The following BEND5 variants were observed in gnomAD, a reference collection of about 807,000 sequenced individuals.
BEND5 encodes BEN domain containing 5, also known as BEN domain-containing protein 5.
BEND5 carries 22 observed loss-of-function variants against 43.9 expected under a neutral mutation model. That is an observed-to-expected ratio of 0.50 (90% confidence interval 0.36 to 0.72). BEND5 has a LOEUF of 0.72. BEND5 is among the 30% of genes least tolerant of loss of function. The pLI is 0.00. For missense variants in BEND5, 428 were observed against 550.6 expected (o/e 0.78, Z 2.23); for synonymous variants, 228 against 225.9 (o/e 1.01, Z -0.08).
At chr1:48,742,536 C>T (rs541803145) in intron 4 of BEND5, 87 bp downstream of exon 4, 7 of 1,297,060 alleles carry the variant, frequency 5.4e-6, no homozygotes, top group Admixed American at 3.0e-5. Flanking sequence ...AGTCAAGCTG[C>T]GATTTGGAAA....
At position 48,765,977 on chromosome 1, in the gene BEND5, C is replaced by T. The variant is rs543128406; in HGVS notation, c.227-4507G>A. Among the ~76,000 whole-genome samples the T allele has an allele frequency of 3.9e-5, 6 of 152,234 alleles. 1 individual carries two copies. The East Asian group carries it at 7.7e-4, about 20-fold the overall frequency. On this transcript the variant is annotated intron_variant, in intron 1 of 5. Transcript: ENST00000371833. Reference sequence around the variant, plus strand: ...TTATTTTCTTTTTGGGTGATAAAAACGTTCCGGAATTAAGTAGTAGTGATG... The same window carrying T: ...TTATTTTCTTTTTGGGTGATAAAAATGTTCCGGAATTAAGTAGTAGTGATG...
At chr1:48,752,775 G>A (rs1252615747) in intron 3 of BEND5, among the ~76,000 whole-genome samples, 1 of 151,618 alleles carries the variant, frequency 6.6e-6, no homozygotes, top group Non-Finnish European at 1.5e-5. Context: ...TTTTTGGACA[G>A]AGTCTCGCTC....
intron 1 of BEND5, among the ~76,000 whole-genome samples, chr1:48,767,048 T>A (rs1644565848): frequency 6.6e-6 from 1 of 152,144 alleles, no homozygotes; most frequent in Non-Finnish European, 1.5e-5. Context: ...ATACCTCACA[T>A]CCATAGAAGA....
chr1:48,764,688 G>A (rs1241508733), intron 1 of BEND5, among the ~76,000 whole-genome samples: 2 of 152,184 alleles, frequency 1.3e-5, no homozygotes, highest in Non-Finnish European at 2.9e-5. Context: ...CAGTTCTGTC[G>A]CTTTGTAGGT....
Position 48,736,476 on chromosome 1 carries a change from A to G in BEND5, c.895-24T>C, listed in dbSNP as rs1197060909. On this transcript the variant is annotated intron_variant, in intron 4 of 5. Transcript: ENST00000371833. This position sits in a 1 kb window ranked among gnomAD's most constrained non-coding sequence, Gnocchi z 4.0. ...ACCTGAGAGGAATAAGAACACCAGCACCTGTTTAGTCCGACAGGAGGGCAG... is the reference window on the plus strand; with the variant it reads ...ACCTGAGAGGAATAAGAACACCAGCGCCTGTTTAGTCCGACAGGAGGGCAG... 3.7e-6 allele frequency: 6 copies of G among 1,606,876 alleles called. No individual in the cohort carries two copies. In the Admixed American group the frequency reaches 6.7e-5, roughly 18 times the overall value.
intron 4 of BEND5, among the ~76,000 whole-genome samples, chr1:48,739,046 C>A (rs11205533): frequency 0.34 from 51,208 of 151,992 alleles, 9,862 homozygotes; most frequent in East Asian, 0.73. Flanking sequence ...GCTGCCACCA[C>A]GGTGGTACTG....
At chr1:48,733,416 T>C (rs1648475437) in intron 5 of BEND5, among the ~76,000 whole-genome samples, 2 of 152,180 alleles carry the variant, frequency 1.3e-5, no homozygotes, top group Admixed American at 1.3e-4. Flanking sequence ...GCCTCAAAAC[T>C]GTGGAAATTC....
At chr1:48,747,160 C>T (rs77731599) in intron 3 of BEND5, among the ~76,000 whole-genome samples, 1 of 152,150 alleles carries the variant, frequency 6.6e-6, no homozygotes, top group Non-Finnish European at 1.5e-5. Context: ...TAAGCACTTG[C>T]GTTAAGAGAC....
intron 1 of BEND5, among the ~76,000 whole-genome samples, chr1:48,773,283 A>C (rs1644924996): frequency 6.6e-6 from 1 of 152,160 alleles, no homozygotes; most frequent in Non-Finnish European, 1.5e-5. Flanking sequence ...TATGAGCCCC[A>C]GTAGCAGGCT....
intron 3 of BEND5, among the ~76,000 whole-genome samples, chr1:48,743,200 G>C (rs962083460): frequency 6.6e-6 from 1 of 152,180 alleles, no homozygotes; most frequent in Non-Finnish European, 1.5e-5. Flanking sequence ...AGGGAGCTTA[G>C]GAAAGTGTGG....
intron 3 of BEND5, among the ~76,000 whole-genome samples, chr1:48,755,688 C>A (rs1280710468): frequency 6.6e-6 from 1 of 152,128 alleles, no homozygotes; most frequent in Non-Finnish European, 1.5e-5. Context: ...AAGGGGATAT[C>A]TTACCAGACT....
chr1:48,762,502 A>C (rs1485142698), intron 1 of BEND5, among the ~76,000 whole-genome samples: 2 of 152,144 alleles, frequency 1.3e-5, no homozygotes, highest in African/African-American at 4.8e-5. Flanking sequence ...GCTGTTTCTC[A>C]TAGTCCTCAA....
At chr1:48,764,672 C>T (rs1644445011) in intron 1 of BEND5, among the ~76,000 whole-genome samples, 1 of 152,178 alleles carries the variant, frequency 6.6e-6, no homozygotes, top group South Asian at 2.1e-4. Context: ...ACCTGGATTC[C>T]AAGTCCAGTT....
At chr1:48,738,128 T>C (rs935141421) in intron 4 of BEND5, among the ~76,000 whole-genome samples, 1 of 152,190 alleles carries the variant, frequency 6.6e-6, no homozygotes, top group Non-Finnish European at 1.5e-5. Flanking sequence ...ATACACATAG[T>C]TAGGCAGTCA....
chr1:48,730,368 G>C (rs934161335), intron 5 of BEND5, among the ~76,000 whole-genome samples: 3 of 152,138 alleles, frequency 2.0e-5, no homozygotes, highest in Non-Finnish European at 4.4e-5. Flanking sequence ...CAACCTCTAG[G>C]GGGGACTTCT....
chr1:48,776,580 C>T (rs1341336005), intron 1 of BEND5, 26 bp downstream of exon 1: 17 of 1,382,614 alleles, frequency 1.2e-5, no homozygotes, highest in Non-Finnish European at 1.5e-5. Context: ...CCGGGTCCCA[C>T]CGTCCCTCCC....
At position 48,776,385 on chromosome 1, in the gene BEND5, TCGGGGAAG is replaced by T. The variant is rs1203036928; in HGVS notation, c.226+213_226+220del. Among the ~76,000 whole-genome samples the T allele has an allele frequency of 3.3e-5, 5 of 152,126 alleles. No individual in the cohort carries two copies. In the East Asian group the frequency reaches 9.7e-4, roughly 29 times the overall value. Reference sequence around the variant, plus strand: ...AAGACGGACTGACAGCGCGGGAGCTTCGGGGAAGCGGGGAAGACAAAGGGGACCATCCG... The same window carrying T: ...AAGACGGACTGACAGCGCGGGAGCTTCGGGGAAGACAAAGGGGACCATCCG... On this transcript the variant is annotated intron_variant, in intron 1 of 5. Coordinates refer to ENST00000371833, the MANE Select transcript of BEND5 (RefSeq NM_024603.4).
chr1:48,754,632 G>A (rs1570523312), intron 3 of BEND5, among the ~76,000 whole-genome samples: 2 of 152,074 alleles, frequency 1.3e-5, no homozygotes, highest in Non-Finnish European at 2.9e-5. Flanking sequence ...TGGGGGTCAC[G>A]GGGCAAAAGT....
At chr1:48,742,380 C>A (rs996358786) in intron 4 of BEND5, among the ~76,000 whole-genome samples, 1 of 151,276 alleles carries the variant, frequency 6.6e-6, no homozygotes, top group Non-Finnish European at 1.5e-5. Context: ...TTTACTTTTA[C>A]AGTTGCTTTG....
Sources: allele counts gnomAD v4.1 joint callset (sites outside exome capture counted in the v4.1 genomes callset), GRCh38; gene constraint gnomAD v4.1.1; non-coding constraint Gnocchi (gnomAD v3.1); transcripts MANE v1.5; gene names NCBI Gene and HGNC (gene_info 2026-07-23, HGNC 2026-07-21).